The following RUVBL1 variants were observed in gnomAD, a reference collection of about 807,000 sequenced individuals.
RUVBL1 encodes ruvB-like 1.
In RUVBL1, 4 loss-of-function variants were observed where a neutral mutation model predicts 52.4. The observed-to-expected ratio is 0.08, with a 90% confidence interval of 0.04 to 0.17. RUVBL1 has a LOEUF of 0.17. Among genes scored for constraint, RUVBL1 ranks in the 10% least tolerant of loss-of-function variants. The pLI is 1.00. For missense variants in RUVBL1, 298 were observed against 572.8 expected, an observed-to-expected ratio of 0.52 and a Z score of 4.90; for synonymous variants, 217 against 214.4, an observed-to-expected ratio of 1.01 and a Z score of -0.10.
At chr3:128,098,761 A>C (rs1943046493) in intron 7 of RUVBL1, 121 bp downstream of exon 7, 7 of 824,558 alleles carry the variant, frequency 8.5e-6, no homozygotes, top group Non-Finnish European at 4.1e-6. Context: ...AGCTATGAGG[A>C]AGAAAGAACT....
At chr3:128,078,456 G>A (rs1942389653), downstream of RUVBL1, among the ~76,000 whole-genome samples, 1 of 152,118 alleles carries the variant, frequency 6.6e-6, no homozygotes, top group Non-Finnish European at 1.5e-5. Context: ...GTATCTCTGG[G>A]GCCATTAGCA....
intron 8 of RUVBL1, among the ~76,000 whole-genome samples, chr3:128,090,298 A>G (rs894846822): frequency 3.9e-5 from 6 of 152,212 alleles, no homozygotes; most frequent in African/African-American, 7.2e-5. Flanking sequence ...TTGGGAGGCC[A>G]AGGCGGGCAG....
At chr3:128,151,544 A>G (rs1344183159) in intron 1 of RUVBL1, among the ~76,000 whole-genome samples, 1 of 152,008 alleles carries the variant, frequency 6.6e-6, no homozygotes, top group Non-Finnish European at 1.5e-5. Context: ...AAATACGTTT[A>G]CTGCTTTTAC....
chr3:128,123,487 T>C (rs983587079), intron 1 of RUVBL1, 97 bp downstream of exon 1: 4 of 1,303,700 alleles, frequency 3.1e-6, no homozygotes, highest in South Asian at 1.6e-5. Context: ...GGGAGACCCC[T>C]GGCGCGCGCA....
At chr3:128,141,653 C>G (rs1422550052) in intron 1 of RUVBL1, among the ~76,000 whole-genome samples, 1 of 152,186 alleles carries the variant, frequency 6.6e-6, no homozygotes, top group African/African-American at 2.4e-5. Context: ...CCCACTACAA[C>G]ACCCAGCTAA....
intron 1 of RUVBL1, among the ~76,000 whole-genome samples, chr3:128,145,817 CAT>C (rs1471807787): frequency 6.6e-6 from 1 of 152,182 alleles, no homozygotes; most frequent in Non-Finnish European, 1.5e-5. Context: ...AATACTTTCA[CAT>C]GATTTAAAAT....
intron 1 of RUVBL1, among the ~76,000 whole-genome samples, chr3:128,138,231 GGAAA>G (rs1288552306): frequency 1.3e-5 from 2 of 151,664 alleles, no homozygotes; most frequent in African/African-American, 4.9e-5. Flanking sequence ...CATTCAAATC[GGAAA>G]GAAAGAGGTC....
chr3:128,153,541 G>T (rs1418408009), exon 1 of RUVBL1: 2 of 1,524,476 alleles, frequency 1.3e-6, no homozygotes, highest in Admixed American at 2.0e-5. Flanking sequence ...GAACGTGGGC[G>T]TGCTGGGCCA....
intron 1 of RUVBL1, among the ~76,000 whole-genome samples, chr3:128,145,701 G>C (rs1025222498): frequency 9.9e-5 from 15 of 152,176 alleles, no homozygotes; most frequent in Non-Finnish European, 2.2e-4. Context: ...CAGTGATAAA[G>C]CATTTGTAAC....
chr3:128,148,317 G>T (rs1473380530), intron 1 of RUVBL1, among the ~76,000 whole-genome samples: 1 of 152,126 alleles, frequency 6.6e-6, no homozygotes, highest in African/African-American at 2.4e-5. Flanking sequence ...TGGATTCTAA[G>T]GGTAAAACCA....
chr3:128,151,726 A>G (rs950014109), intron 1 of RUVBL1, among the ~76,000 whole-genome samples: 2 of 152,090 alleles, frequency 1.3e-5, no homozygotes, highest in African/African-American at 4.8e-5. Context: ...ATACTATCAC[A>G]CTGGGGGTCA....
intron 9 of RUVBL1, chr3:128,083,769 G>C (rs556600765): frequency 6.6e-6 from 1 of 152,416 alleles, no homozygotes; most frequent in East Asian, 1.9e-4. Flanking sequence ...TCAGAACTCA[G>C]ATCCTTGTAC....
intron 9 of RUVBL1, chr3:128,066,663 A>G (rs1941990286): frequency 2.4e-6 from 1 of 416,564 alleles, no homozygotes; most frequent in South Asian, 3.9e-5. Context: ...GGCTCAAGCA[A>G]TTCTCCCACC....
chr3:128,153,536 T>TG, exon 1 of RUVBL1: 1 of 1,519,808 alleles, frequency 6.6e-7, no homozygotes, highest in Non-Finnish European at 8.8e-7. Context: ...AACGTGAACG[T>TG]GGGCGTGCTG....
chr3:128,087,732 G>C lies in RUVBL1; in HGVS notation c.1093C>G (p.Leu365Val). 6.2e-7 allele frequency: 1 copy of C among 1,613,930 alleles called. No individual in the cohort carries two copies. The highest frequency in any genetic ancestry group is 8.5e-7 in the Non-Finnish European group (1 of 1,179,838). ...TGTTTCATTTCCTGTGGAGTATACA[G>C]CATGGTCCGGATTATCATCACTCGG... ...LDRVMIIRTM[L>V]YTPQEMKQII... is the part of the protein sequence containing the mutation. Residue 365 changes from leucine (L) to valine (V), a missense_variant, in exon 9 of 11, where the codon CTG becomes GTG. Around this residue, in one of 5 missense-constraint regions of RUVBL1, gnomAD observed 161 missense variants for 298.3 expected, o/e 0.54. Coordinates refer to ENST00000322623, the MANE Select transcript of RUVBL1 (RefSeq NM_003707.3).
rs1942517011 is a variant in RUVBL1 at position 128,082,718 on chromosome 3, GC to G, written c.1120-145del. The G allele has an allele frequency of 6.0e-6, 4 of 663,024 alleles. No individual in the cohort carries two copies. The South Asian group carries it at 7.6e-5, about 13-fold the overall frequency. 41.1% of individuals were successfully genotyped at this position (663,024 alleles called of 1,614,324 possible). On this transcript the variant is annotated intron_variant, in intron 9 of 10. Transcript: ENST00000322623. This position sits in a 1 kb window ranked among gnomAD's most constrained non-coding sequence, Gnocchi z 4.7. ...CTGGGTTGGTGGGCAGGGAGCCAAC[GC>G]CTGCCCAGCACTGCCGGCCCGGCAC...
At chr3:128,073,737 T>C (rs1202352153) in intron 9 of RUVBL1, among the ~76,000 whole-genome samples, 1 of 152,270 alleles carries the variant, frequency 6.6e-6, no homozygotes, top group Non-Finnish European at 1.5e-5. Context: ...GTAAGGGTTC[T>C]GCAGTGTCTG....
chr3:128,066,412 C>T (rs568017389), intron 9 of RUVBL1, among the ~76,000 whole-genome samples: 3 of 151,946 alleles, frequency 2.0e-5, no homozygotes, highest in Non-Finnish European at 4.4e-5. Context: ...ATCATTCCAC[C>T]GTGCTTGCTT....
chr3:128,150,666 CATATATTCTATATATATTCTATATATT>C (rs1553734067), intron 1 of RUVBL1, among the ~76,000 whole-genome samples: 62 of 125,524 alleles, frequency 4.9e-4, no homozygotes, highest in South Asian at 4.9e-3. Context: ...ATATTCTATA[CATATATTCTATATATATTCTATATATT>C]ATATATTCTA....
Sources: gnomAD v4.1 joint callset for allele counts (sites outside exome capture counted in the v4.1 genomes callset) on GRCh38, gnomAD v4.1.1 for gene constraint, gnomAD v4.1.1 regional missense constraint, Gnocchi (gnomAD v3.1) non-coding constraint, MANE v1.5 for transcripts, NCBI Gene and HGNC (gene_info 2026-07-23, HGNC 2026-07-21) for gene names.